Variants in OPCML observed in about 807,000 individuals in gnomAD.
OPCML encodes opioid-binding protein/cell adhesion molecule.
A neutral mutation model predicts 37.8 loss-of-function variants in OPCML; 13 were observed. The ratio of observed to expected loss-of-function variants is 0.34; its 90% CI spans 0.22 to 0.55. The LOEUF is 0.55. Among genes scored for constraint, OPCML ranks in the 20% least tolerant of loss-of-function variants. The pLI is 0.91. For missense variants in OPCML, 341 were observed against 435.6 expected, an observed-to-expected ratio of 0.78 and a Z score of 1.93; for synonymous variants, 176 against 168.8, an observed-to-expected ratio of 1.04 and a Z score of -0.33.
chr11:133,461,460 A>T (rs866625508), intron 1 of OPCML, among the ~76,000 whole-genome samples: 1 of 151,938 alleles, frequency 6.6e-6, no homozygotes, highest in Middle Eastern at 3.2e-3. Context: ...GAACAATTCA[A>T]AAAGGAAATT....
At chr11:133,011,022 G>T (rs888425348) in intron 1 of OPCML, among the ~76,000 whole-genome samples, 3 of 152,206 alleles carry the variant, frequency 2.0e-5, no homozygotes, top group Admixed American at 6.5e-5. Flanking sequence ...TTTTTAGAAA[G>T]ATGTAGGTAA....
At chr11:132,969,496 A>C (rs1199072464) in intron 1 of OPCML, among the ~76,000 whole-genome samples, 1 of 152,088 alleles carries the variant, frequency 6.6e-6, no homozygotes, top group Non-Finnish European at 1.5e-5. Flanking sequence ...CTCAACTTTA[A>C]ATATTTCTTC....
At chr11:132,898,321 C>T (rs1026556404) in intron 2 of OPCML, among the ~76,000 whole-genome samples, 2 of 152,180 alleles carry the variant, frequency 1.3e-5, no homozygotes, top group Admixed American at 6.5e-5. Context: ...TGCCTTCCCT[C>T]CATGCAATGC....
At chr11:132,872,871 T>C (rs1166858787) in intron 2 of OPCML, among the ~76,000 whole-genome samples, 1 of 152,146 alleles carries the variant, frequency 6.6e-6, no homozygotes, top group Non-Finnish European at 1.5e-5. Context: ...CTGAGTATCA[T>C]TAGTTACAAT....
intron 1 of OPCML, among the ~76,000 whole-genome samples, chr11:132,958,238 C>G (rs1381415349): frequency 6.6e-6 from 1 of 152,210 alleles, no homozygotes; most frequent in Non-Finnish European, 1.5e-5. Context: ...CCAGCCACAA[C>G]ATTCTATTAA....
At chr11:133,454,232 T>C (rs921869296) in intron 1 of OPCML, among the ~76,000 whole-genome samples, 6 of 152,236 alleles carry the variant, frequency 3.9e-5, no homozygotes, top group Admixed American at 6.5e-5. Context: ...TAAAAATTCA[T>C]ATAAACCTAT....
At chr11:132,592,417 A>T (rs1046762614) in intron 3 of OPCML, among the ~76,000 whole-genome samples, 1 of 152,148 alleles carries the variant, frequency 6.6e-6, no homozygotes, top group African/African-American at 2.4e-5. Flanking sequence ...AATGGAGAAA[A>T]TGGGGATCCA....
chr11:133,499,825 CATATATATGTGTATGTATATATATAT>C (rs1565669766), intron 1 of OPCML, among the ~76,000 whole-genome samples: 4 of 138,152 alleles, frequency 2.9e-5, no homozygotes, highest in East Asian at 4.1e-4. Context: ...TATATACACA[CATATATATGTGTATGTATATATATAT>C]ACATACACAT....
intron 3 of OPCML, among the ~76,000 whole-genome samples, chr11:132,568,105 T>C (rs2096428686): frequency 6.6e-6 from 1 of 151,962 alleles, no homozygotes; most frequent in South Asian, 2.1e-4. Flanking sequence ...ACTTTCCTAT[T>C]AAGCACCAAA....
intron 1 of OPCML, among the ~76,000 whole-genome samples, chr11:133,472,690 T>G: frequency 6.6e-6 from 1 of 151,972 alleles, no homozygotes; most frequent in Middle Eastern, 3.2e-3. Context: ...GGCAATTATG[T>G]TTTGTCTTCC....
intron 3 of OPCML, among the ~76,000 whole-genome samples, chr11:132,583,809 T>A (rs1252540851): frequency 6.6e-6 from 1 of 151,858 alleles, no homozygotes; most frequent in Non-Finnish European, 1.5e-5. Flanking sequence ...AGATGGAGTT[T>A]CCCCATGTTG....
At chr11:132,868,721 G>T (rs543017110) in intron 2 of OPCML, among the ~76,000 whole-genome samples, 2 of 152,276 alleles carry the variant, frequency 1.3e-5, no homozygotes, top group South Asian at 2.1e-4. Context: ...GAGGGGCTGG[G>T]ACTGCTCCCT....
chr11:133,013,633 C>T (rs1447581232), intron 1 of OPCML, among the ~76,000 whole-genome samples: 4 of 152,170 alleles, frequency 2.6e-5, no homozygotes, highest in Non-Finnish European at 2.9e-5. Flanking sequence ...GTCAAAAGTG[C>T]CACTTATTCT....
At chr11:133,334,435 G>A (rs1157552416) in intron 1 of OPCML, among the ~76,000 whole-genome samples, 1 of 152,128 alleles carries the variant, frequency 6.6e-6, no homozygotes, top group Non-Finnish European at 1.5e-5. Flanking sequence ...TATAGTGAGA[G>A]CTAAATGATG....
At chr11:133,359,972 G>A (rs1944377781) in intron 1 of OPCML, 1 of 152,174 alleles carries the variant, frequency 6.6e-6, no homozygotes, top group Non-Finnish European at 1.5e-5. Flanking sequence ...GTAAAGGTGT[G>A]TACACCTGGC....
intron 1 of OPCML, among the ~76,000 whole-genome samples, chr11:133,252,902 C>T (rs2136437508): frequency 6.6e-6 from 1 of 152,252 alleles, no homozygotes; most frequent in Non-Finnish European, 1.5e-5. Flanking sequence ...AATCCCAGCA[C>T]TTTGGGAGGC....
chr11:132,856,228 A>G (rs1268918256), intron 2 of OPCML, among the ~76,000 whole-genome samples: 1 of 152,234 alleles, frequency 6.6e-6, no homozygotes, highest in Admixed American at 6.5e-5. Flanking sequence ...CAATAAATCG[A>G]TTGAAGCATA....
chr11:132,597,970 C>T (rs1392573132), intron 3 of OPCML, among the ~76,000 whole-genome samples: 1 of 152,022 alleles, frequency 6.6e-6, no homozygotes, highest in Non-Finnish European at 1.5e-5. Flanking sequence ...TGTTTCTTTT[C>T]CACTTTACTC....
intron 1 of OPCML, among the ~76,000 whole-genome samples, chr11:133,094,320 A>C (rs949013302): frequency 2.6e-5 from 4 of 152,194 alleles, no homozygotes; most frequent in African/African-American, 9.7e-5. Context: ...CAAATTTACC[A>C]TACAAAGTTT....
Sources: gnomAD v4.1 joint callset for allele counts (sites outside exome capture counted in the v4.1 genomes callset) on GRCh38, gnomAD v4.1.1 for gene constraint, MANE v1.5 for transcripts, NCBI Gene and HGNC (gene_info 2026-07-23, HGNC 2026-07-21) for gene names.